Variants in DEFB1 observed in about 807,000 individuals in gnomAD.
The protein encoded by DEFB1 is defensin beta 1.
DEFB1 carries 4 observed loss-of-function variants against 2.6 expected under a neutral mutation model. That is an observed-to-expected ratio of 1.53 (90% CI 0.76 to 3.51). The LOEUF (loss-of-function observed/expected upper bound fraction) is 3.51, where lower values mean the gene tolerates loss of function less well. Among genes scored for constraint, DEFB1 ranks in the 30% most tolerant of loss-of-function variants. The pLI, the probability that DEFB1 is intolerant of heterozygous loss-of-function variation, is 0.01. For missense variants in DEFB1, 162 were observed against 76.9 expected, an observed-to-expected ratio of 2.11 and a Z score of -4.14; for synonymous variants, 56 against 28.5, an observed-to-expected ratio of 1.96 and a Z score of -3.07.
At chr8:6,871,620 G>A (rs774836206) in intron 1 of DEFB1, among the ~76,000 whole-genome samples, 8 of 152,190 alleles carry the variant, frequency 5.3e-5, no homozygotes, top group Admixed American at 2.6e-4. Flanking sequence ...TATTTGGAGA[G>A]AGAAACTTTA....
intron 1 of DEFB1, among the ~76,000 whole-genome samples, chr8:6,875,334 C>G (rs148574320): frequency 0.01 from 1,581 of 152,078 alleles, 14 homozygotes; most frequent in Non-Finnish European, 0.017. Context: ...AGTGAAAAAT[C>G]AAAACACAAA....
chr8:6,872,928 C>T (rs5743478), intron 1 of DEFB1, among the ~76,000 whole-genome samples: 192 of 152,228 alleles, frequency 1.3e-3, no homozygotes, highest in African/African-American at 4.3e-3. Flanking sequence ...ACCCACACTG[C>T]GAAAGATGGA....
chr8:6,873,663 G>C (rs949794349), intron 1 of DEFB1, among the ~76,000 whole-genome samples: 1 of 148,404 alleles, frequency 6.7e-6, no homozygotes, highest in African/African-American at 2.4e-5. Context: ...CTGAGACACT[G>C]GGGGCTACTA....
intron 1 of DEFB1, among the ~76,000 whole-genome samples, chr8:6,873,702 A>G (rs996811927): frequency 6.6e-6 from 1 of 151,944 alleles, no homozygotes; most frequent in Non-Finnish European, 1.5e-5. Flanking sequence ...GGAGTGTGGA[A>G]AACTAACTGT....
chr8:6,876,066 G>T (rs1191774515), intron 1 of DEFB1, among the ~76,000 whole-genome samples: 1 of 152,116 alleles, frequency 6.6e-6, no homozygotes, highest in Non-Finnish European at 1.5e-5. Flanking sequence ...CCATCAGAAA[G>T]AAATTTCTCA....
chr8:6,875,547 A>G (rs752725260), intron 1 of DEFB1, among the ~76,000 whole-genome samples: 1 of 152,236 alleles, frequency 6.6e-6, no homozygotes, highest in Non-Finnish European at 1.5e-5. Flanking sequence ...GGAAATGCAG[A>G]TTAAAACTCC....
chr8:6,876,846 A>AAAAACC (rs1806549658), intron 1 of DEFB1, among the ~76,000 whole-genome samples: 2 of 68,164 alleles, frequency 2.9e-5, no homozygotes, highest in Non-Finnish European at 5.4e-5. Flanking sequence ...ACCAAAAACC[A>AAAAACC]AAAAAAAAAA....
Position 6,877,796 on chromosome 8 carries a change from C to T in DEFB1, c.61+1G>A. On this transcript the variant is annotated splice_donor_variant, in intron 1 of 1. Coordinates refer to ENST00000297439, the MANE Select transcript of DEFB1 (RefSeq NM_005218.4). LOFTEE classifies it high-confidence loss of function. ...AAACTCTTGCAGGTACCAGAGCTTA[C>T]CTGAGGCCATCTCAGACAAAAGTAA... 17 of 1,613,792 alleles carry T rather than the reference C, an allele frequency of 1.1e-5. No homozygotes were observed. The highest frequency in any genetic ancestry group is 1.4e-5 in the Non-Finnish European group (16 of 1,179,776).
At chr8:6,873,399 T>G (rs1467996250) in intron 1 of DEFB1, among the ~76,000 whole-genome samples, 1 of 152,194 alleles carries the variant, frequency 6.6e-6, no homozygotes, top group African/African-American at 2.4e-5. Context: ...GCAGCAAAGT[T>G]AGTGAGAGGG....
intron 1 of DEFB1, among the ~76,000 whole-genome samples, chr8:6,876,978 C>G (rs1433432205): frequency 6.6e-6 from 1 of 152,100 alleles, no homozygotes; most frequent in Non-Finnish European, 1.5e-5. Context: ...AGCCTATCTG[C>G]TGGATACAGT....
intron 1 of DEFB1, among the ~76,000 whole-genome samples, chr8:6,876,857 C>CA (rs202089473): frequency 6.2e-5 from 1 of 16,092 alleles, no homozygotes; most frequent in Non-Finnish European, 1.1e-4. Flanking sequence ...AAAAAAAAAA[C>CA]AAAAAAACAA....
chr8:6,873,468 C>G (rs756501371), intron 1 of DEFB1, among the ~76,000 whole-genome samples: 1 of 152,230 alleles, frequency 6.6e-6, no homozygotes, highest in African/African-American at 2.4e-5. Flanking sequence ...TTGCAAACCA[C>G]TCAACCTCTC....
Position 6,870,685 on chromosome 8 carries a change from T to A in DEFB1, c.203A>T (p.Lys68Met), listed in dbSNP as rs1806274776. The A allele has an allele frequency of 6.2e-7, 1 of 1,613,686 alleles. No individual in the cohort carries two copies. The highest frequency in any genetic ancestry group is 1.3e-5 in the African/African-American group (1 of 74,912). ...TTTCTTCTGGTCACTCCCAGCTCAC[T>A]TGCAGCACTTGGCCTTCCCTCTGTA... is the stretch of plus-strand genomic sequence containing the variant. ...TCYRGKAKCC[K>M] The change falls in exon 2 of 2, where the codon AAG becomes ATG. Residue 68 changes from lysine (K) to methionine (M), a missense_variant. Lys to Met is a moderately conservative substitution (Grantham distance 95). Coordinates refer to ENST00000297439, the MANE Select transcript of DEFB1 (RefSeq NM_005218.4).
chr8:6,874,923 G>C (rs952489358), intron 1 of DEFB1, among the ~76,000 whole-genome samples: 1 of 151,790 alleles, frequency 6.6e-6, no homozygotes, highest in African/African-American at 2.4e-5. Flanking sequence ...GAGGGGTTGC[G>C]GTTAGCCAAG....
At position 6,873,995 on chromosome 8, in the gene DEFB1, C is replaced by T. The variant is rs1044797965; in HGVS notation, c.62-3169G>A. 3.9e-5 allele frequency among the ~76,000 whole-genome samples: 6 copies of T among 152,274 alleles called. No homozygotes were observed. In the East Asian group the frequency reaches 9.6e-4, roughly 24 times the overall value. ...CACCTTGTGTTAGATATTGCTGTGC[C>T]TGTGTCTGTTTCTCTTACGTGCTTC... On this transcript the variant is annotated intron_variant, in intron 1 of 1. Transcript: ENST00000297439.
At chr8:6,876,098 T>C (rs1342008670) in intron 1 of DEFB1, among the ~76,000 whole-genome samples, 7 of 152,276 alleles carry the variant, frequency 4.6e-5, no homozygotes, top group South Asian at 2.1e-4. Flanking sequence ...TAAAAACATA[T>C]GCACACACCC....
intron 1 of DEFB1, among the ~76,000 whole-genome samples, chr8:6,875,960 C>G (rs1178252510): frequency 2.0e-5 from 3 of 152,014 alleles, no homozygotes; most frequent in South Asian, 4.2e-4. Context: ...TCGAGAATAG[C>G]TTCTCATAAT....
intron 1 of DEFB1, among the ~76,000 whole-genome samples, chr8:6,876,588 G>C (rs1246591774): frequency 6.6e-6 from 1 of 152,064 alleles, no homozygotes; most frequent in Non-Finnish European, 1.5e-5. Context: ...TTGTGCCCAG[G>C]AGTTTGAGAC....
chr8:6,873,758 C>T (rs2741126), intron 1 of DEFB1, among the ~76,000 whole-genome samples: 76,329 of 151,778 alleles, frequency 0.5, 19,560 homozygotes, highest in African/African-American at 0.6. Flanking sequence ...CATTCCATTC[C>T]TCAGCATCTG....
Sources: allele counts gnomAD v4.1 joint callset (sites outside exome capture counted in the v4.1 genomes callset), GRCh38; gene constraint gnomAD v4.1.1; transcripts MANE v1.5; gene names NCBI Gene and HGNC (gene_info 2026-07-23, HGNC 2026-07-21).